The following SMC5 variants were observed in gnomAD, a reference collection of about 807,000 sequenced individuals.
SMC5 encodes structural maintenance of chromosomes protein 5.
Under a neutral mutation model 148.3 loss-of-function variants are expected in SMC5, and 88 were observed. That is an observed-to-expected ratio of 0.59 (90% CI 0.50 to 0.71). The LOEUF (loss-of-function observed/expected upper bound fraction) is 0.71. Ranked by LOEUF, SMC5 falls within the 30% of genes least tolerant of loss-of-function variation. SMC5 has a pLI of 0.00. For synonymous variants in SMC5, 421 were observed against 432.8 expected (o/e 0.97, Z 0.34); for missense variants, 1,142 against 1,298.9 (o/e 0.88, Z 1.86).
chr9:70,282,384 GTA>G, intron 6 of SMC5, 36 bp from the exon 7 acceptor site: 1 of 1,554,746 alleles, frequency 6.4e-7, no homozygotes, highest in Non-Finnish European at 8.6e-7. Context: ...TTAGTTTAAG[GTA>G]GGGCATTAAC....
At chr9:70,292,480 G>A (rs571549706) in intron 8 of SMC5, among the ~76,000 whole-genome samples, 1 of 152,090 alleles carries the variant, frequency 6.6e-6, no homozygotes, top group East Asian at 1.9e-4. Context: ...CTTTCTTTCT[G>A]ATTTGTATGC....
At chr9:70,348,525 C>T (rs2036725894) in intron 22 of SMC5, among the ~76,000 whole-genome samples, 1 of 151,818 alleles carries the variant, frequency 6.6e-6, no homozygotes, top group African/African-American at 2.4e-5. Context: ...AATCGCATCT[C>T]TGTAAAAATA....
chr9:70,347,768 G>T (rs1403907263), intron 21 of SMC5, 51 bp downstream of exon 21: 2 of 1,290,920 alleles, frequency 1.5e-6, no homozygotes, highest in African/African-American at 1.5e-5. Flanking sequence ...AATGAAATGG[G>T]AATGTAGAAT....
intron 2 of SMC5, among the ~76,000 whole-genome samples, chr9:70,266,764 A>G (rs1399531653): frequency 6.6e-6 from 1 of 152,180 alleles, no homozygotes; most frequent in African/African-American, 2.4e-5. Flanking sequence ...ACTCTACACC[A>G]TCTGTATGGA....
At chr9:70,264,473 A>C in intron 2 of SMC5, 28 bp downstream of exon 2, 1 of 1,609,856 alleles carries the variant, frequency 6.2e-7, no homozygotes, top group South Asian at 1.1e-5. Context: ...CTTTTTAAGA[A>C]ATTTCAAACC....
Position 70,297,674 on chromosome 9 carries a change from G to T in SMC5, c.1054-292G>T, listed in dbSNP as rs991741351. Among the ~76,000 whole-genome samples, 7 of 152,172 alleles carry T rather than the reference G, an allele frequency of 4.6e-5. No individual in the cohort carries two copies. In the East Asian group the frequency reaches 1.3e-3, roughly 29 times the overall value. ...AGTATGTACTTCCTGTAAATATTTA[G>T]AAATCCGTTGGGCTTTTAAAATATT... On this transcript the variant is annotated intron_variant, in intron 8 of 24. Transcript: ENST00000361138.
intron 22 of SMC5, among the ~76,000 whole-genome samples, chr9:70,349,337 G>T (rs2036749261): frequency 1.3e-5 from 2 of 152,224 alleles, no homozygotes; most frequent in South Asian, 4.2e-4. Flanking sequence ...AAATTGCTGG[G>T]ATTACAGGCA....
rs1203325949 is a variant in SMC5 at position 70,269,325 on chromosome 9, G to A, written c.380+1350G>A. ...AGACCAGGTGCAGTGGCTCATGTGC[G>A]TAATCCCAGCACTATGGGAGGCCAA... On this transcript the variant is annotated intron_variant, in intron 3 of 24. Coordinates refer to ENST00000361138, the MANE Select transcript of SMC5 (RefSeq NM_015110.4). Among the ~76,000 whole-genome samples, 7 of 152,242 alleles carry A rather than the reference G, an allele frequency of 4.6e-5. No homozygotes were observed. In the East Asian group the frequency reaches 7.7e-4, roughly 17 times the overall value.
At chr9:70,297,885 G>A in intron 8 of SMC5, 81 bp from the exon 9 acceptor site, 1 of 1,477,774 alleles carries the variant, frequency 6.8e-7, no homozygotes, top group Non-Finnish European at 9.1e-7. Context: ...TTGTTTGCAT[G>A]TTAAAAACTA....
At chr9:70,288,417 TTGTA>T (rs2034966884) in intron 8 of SMC5, among the ~76,000 whole-genome samples, 1 of 152,096 alleles carries the variant, frequency 6.6e-6, no homozygotes, top group Non-Finnish European at 1.5e-5. Context: ...GCTTGTCACT[TTGTA>T]AGTCTTTTCA....
In SMC5 at chr9:70,324,108, T is replaced by C; in HGVS notation, c.2362T>C (p.Tyr788His). Residue 788 changes from tyrosine (Y) to histidine (H), a missense_variant, in exon 17 of 25, where the codon TAT becomes CAT. Around this residue, in one of 5 missense-constraint regions of SMC5, gnomAD observed 743 missense variants for 835.7 expected, o/e 0.89. Coordinates refer to ENST00000361138, the MANE Select transcript of SMC5 (RefSeq NM_015110.4). ...TGAGAAGAACAAATTAGAATCAGAT[T>C]ATATGGCCGCATCTTCACAACTCCG... The part of the protein sequence containing the change: ...ISEKNKLESD[Y>H]MAASSQLRLT... 6.3e-7 allele frequency: 1 copy of C among 1,597,892 alleles called. No homozygotes were observed. The highest frequency in any genetic ancestry group is 1.1e-5 in the South Asian group (1 of 87,086).
At chr9:70,332,253 G>T (rs2036236325) in intron 17 of SMC5, among the ~76,000 whole-genome samples, 1 of 152,074 alleles carries the variant, frequency 6.6e-6, no homozygotes. Flanking sequence ...TGAGTGTAGT[G>T]CCTCACACTG....
chr9:70,295,664 T>A (rs1258721218), intron 8 of SMC5, among the ~76,000 whole-genome samples: 3 of 152,062 alleles, frequency 2.0e-5, no homozygotes, highest in African/African-American at 7.2e-5. Flanking sequence ...AGGTAACAAA[T>A]GAGTTAGTGT....
intron 1 of SMC5, among the ~76,000 whole-genome samples, chr9:70,260,991 G>A (rs2034109782): frequency 6.6e-6 from 1 of 152,062 alleles, no homozygotes; most frequent in Admixed American, 6.5e-5. Context: ...AACTCACCTC[G>A]GCCTCCCAAA....
chr9:70,295,178 C>T (rs996029242), intron 8 of SMC5, among the ~76,000 whole-genome samples: 5 of 151,850 alleles, frequency 3.3e-5, no homozygotes, highest in African/African-American at 1.2e-4. Flanking sequence ...GAAGAGGGAA[C>T]ATTCAGGCGG....
At chr9:70,291,350 A>G (rs907223860) in intron 8 of SMC5, among the ~76,000 whole-genome samples, 2 of 152,194 alleles carry the variant, frequency 1.3e-5, no homozygotes, top group African/African-American at 2.4e-5. Flanking sequence ...TTTTTCTTCA[A>G]TAAATGCTCC....
intron 8 of SMC5, among the ~76,000 whole-genome samples, chr9:70,290,783 A>G (rs900311764): frequency 3.9e-5 from 6 of 152,220 alleles, no homozygotes; most frequent in African/African-American, 9.6e-5. Context: ...TTAATTTTAC[A>G]TAAACACACT....
At position 70,279,661 on chromosome 9, in the gene SMC5, A is replaced by G. The variant is rs186576804; in HGVS notation, c.678+1036A>G. Among the ~76,000 whole-genome samples, 399 of 152,112 alleles carry G rather than the reference A, an allele frequency of 2.6e-3. 7 individuals are homozygous for G. The highest frequency in any genetic ancestry group is 0.021 in the Admixed American group (318 of 15,282). On this transcript the variant is annotated intron_variant, in intron 5 of 24. Transcript: ENST00000361138. ...GTGAAACCCTGTCTCTACTAAAAAT[A>G]CAAAAATTAGCCGGGTGTGATGGTG...
At chr9:70,289,533 C>T (rs1021337387) in intron 8 of SMC5, among the ~76,000 whole-genome samples, 3 of 151,942 alleles carry the variant, frequency 2.0e-5, no homozygotes. Flanking sequence ...AATTTGATGG[C>T]AAATAAAGGA....
Sources: gnomAD v4.1 joint callset for allele counts (sites outside exome capture counted in the v4.1 genomes callset) on GRCh38, gnomAD v4.1.1 for gene constraint, gnomAD v4.1.1 regional missense constraint, MANE v1.5 for transcripts, NCBI Gene and HGNC (gene_info 2026-07-23, HGNC 2026-07-21) for gene names.